USP6NL: variants seen among roughly 807,000 people sequenced by gnomAD.
USP6NL encodes USP6 N-terminal-like protein.
A neutral mutation model predicts 61.9 loss-of-function variants in USP6NL; 26 were observed. That is an observed-to-expected ratio of 0.42 (90% CI 0.31 to 0.58). The LOEUF is 0.58. USP6NL is among the 20% of genes least tolerant of loss of function. The pLI is 0.16. For synonymous variants in USP6NL, 432 were observed against 390.1 expected (o/e 1.11, Z -1.27); for missense variants, 1,114 against 1,034.3 (o/e 1.08, Z -1.06).
intron 3 of USP6NL, among the ~76,000 whole-genome samples, chr10:11,527,087 T>C (rs530916402): frequency 1.3e-5 from 2 of 152,180 alleles, no homozygotes; most frequent in Non-Finnish European, 2.9e-5. Context: ...GCCTAGAATG[T>C]AGAGTCTCGG....
At chr10:11,484,912 T>G in intron 13 of USP6NL, 59 bp downstream of exon 13, 2 of 1,333,632 alleles carry the variant, frequency 1.5e-6, no homozygotes, top group African/African-American at 1.5e-5. Context: ...GAATGAGAAA[T>G]CAAGGTTAAA....
chr10:11,528,124 C>G lies in USP6NL; in HGVS notation c.5-557G>C, dbSNP rs563292710. Among the ~76,000 whole-genome samples, 8 of 144,530 alleles carry G rather than the reference C, an allele frequency of 5.5e-5. No individual in the cohort carries two copies. Among genetic ancestry groups the G allele is most frequent in the Admixed American group, 4.8e-4 (7 of 14,488 alleles). 94.8% of individuals were successfully genotyped at this position (144,530 alleles called of 152,430 possible). Reference sequence around the variant, plus strand: ...TCATACATATGTGTGTGGACACACACACAGACACACACACACACACACACA... The same window carrying G: ...TCATACATATGTGTGTGGACACACAGACAGACACACACACACACACACACA... On this transcript the variant is annotated intron_variant, in intron 2 of 14. Coordinates refer to ENST00000609104, the MANE Select transcript of USP6NL (RefSeq NM_014688.5). The surrounding 1 kb of genome is among the most constrained non-coding windows in gnomAD (Gnocchi z 4.6).
At chr10:11,545,090 C>T (rs1359497836) in intron 2 of USP6NL, among the ~76,000 whole-genome samples, 3 of 152,118 alleles carry the variant, frequency 2.0e-5, no homozygotes, top group South Asian at 2.1e-4. Flanking sequence ...TTGTTATGTA[C>T]ACATACCACC....
intron 6 of USP6NL, among the ~76,000 whole-genome samples, chr10:11,508,134 T>C (rs1301559821): frequency 6.6e-6 from 1 of 152,164 alleles, no homozygotes; most frequent in Non-Finnish European, 1.5e-5. Flanking sequence ...TTAACTCAGT[T>C]GTGTTTTGCT....
intron 2 of USP6NL, among the ~76,000 whole-genome samples, chr10:11,570,883 C>T (rs1250011546): frequency 6.6e-6 from 1 of 152,148 alleles, no homozygotes; most frequent in Non-Finnish European, 1.5e-5. Context: ...TTATCACTCG[C>T]CCCATCCTTT....
Position 11,487,427 on chromosome 10 carries a change from T to A in USP6NL, c.665-1516A>T, listed in dbSNP as rs1049096115. 6.6e-6 allele frequency among the ~76,000 whole-genome samples: 1 copy of A among 152,222 alleles called. No homozygotes were observed. Among genetic ancestry groups the A allele is most frequent in the African/African-American group, 2.4e-5 (1 of 41,462 alleles). On this transcript the variant is annotated intron_variant, in intron 10 of 14. Coordinates refer to ENST00000609104, the MANE Select transcript of USP6NL (RefSeq NM_014688.5). This position sits in a 1 kb window ranked among gnomAD's most constrained non-coding sequence, Gnocchi z 4.2. Reference sequence around the variant, plus strand: ...AGTAGAATTAATATTGTTTTATAGATTAGTCTAGTGACAATAATTGCTGAA... The same window carrying A: ...AGTAGAATTAATATTGTTTTATAGAATAGTCTAGTGACAATAATTGCTGAA...
At chr10:11,516,674 C>A (rs1834970860) in intron 5 of USP6NL, among the ~76,000 whole-genome samples, 1 of 152,130 alleles carries the variant, frequency 6.6e-6, no homozygotes, top group Non-Finnish European at 1.5e-5. Flanking sequence ...TGAATCCTGT[C>A]CCCACCCCCA....
At chr10:11,588,386 GTTGT>G (rs1191153750) in intron 2 of USP6NL, among the ~76,000 whole-genome samples, 5 of 152,294 alleles carry the variant, frequency 3.3e-5, no homozygotes, top group Admixed American at 2.0e-4. Context: ...AAAGAATGGC[GTTGT>G]TTTTCGGAAC....
In USP6NL at chr10:11,589,548, C is replaced by G. The variant is rs1838091056; in HGVS notation, c.4+8083G>C. Among the ~76,000 whole-genome samples, 1 of 152,094 alleles carries G rather than the reference C, an allele frequency of 6.6e-6. No individual in the cohort carries two copies. The highest frequency in any genetic ancestry group is 1.5e-5 in the Non-Finnish European group (1 of 68,024). ...TACATGTTAGCTTTTACAAATTTCT[C>G]TCAAGTTATAATCAAGCAAATATAT... On this transcript the variant is annotated intron_variant, in intron 2 of 14. Coordinates refer to ENST00000609104, the MANE Select transcript of USP6NL (RefSeq NM_014688.5). The surrounding 1 kb of genome is among the most constrained non-coding windows in gnomAD (Gnocchi z 4.7).
intron 13 of USP6NL, among the ~76,000 whole-genome samples, chr10:11,484,367 T>C (rs1288082068): frequency 1.3e-5 from 2 of 151,436 alleles, no homozygotes; most frequent in Admixed American, 6.6e-5. Context: ...CCCTTAAATA[T>C]ATTGCAACTG....
chr10:11,486,312 A>G (rs1363074386), intron 10 of USP6NL, among the ~76,000 whole-genome samples: 2 of 152,080 alleles, frequency 1.3e-5, no homozygotes, highest in Admixed American at 1.3e-4. Flanking sequence ...ATAACAATTT[A>G]TTACTTTTTT....
chr10:11,591,019 T>C lies in USP6NL; in HGVS notation c.4+6612A>G, dbSNP rs564085138. ...TGACTTAACAGTAAATTTTAAGAGT[T>C]AGAAGGCGTCCAGATGATCTATCTA... On this transcript the variant is annotated intron_variant, in intron 2 of 14. Transcript: ENST00000609104. The surrounding 1 kb of genome is among the most constrained non-coding windows in gnomAD (Gnocchi z 4.7). 5.7e-4 allele frequency among the ~76,000 whole-genome samples: 87 copies of C among 152,308 alleles called. No individual in the cohort carries two copies. Among genetic ancestry groups the C allele is most frequent in the Non-Finnish European group, 6.3e-4 (43 of 68,028 alleles).
chr10:11,515,487 G>A (rs1170226987), intron 5 of USP6NL, among the ~76,000 whole-genome samples: 2 of 152,198 alleles, frequency 1.3e-5, no homozygotes, highest in African/African-American at 4.8e-5. Flanking sequence ...GCCCTTCACA[G>A]GTGATAACCT....
In USP6NL at chr10:11,574,421, C is replaced by A. The variant is rs749911085; in HGVS notation, c.4+23210G>T. Among the ~76,000 whole-genome samples the A allele has an allele frequency of 6.6e-6, 1 of 152,164 alleles. No homozygotes were observed. Among genetic ancestry groups the A allele is most frequent in the Non-Finnish European group, 1.5e-5 (1 of 68,040 alleles). On this transcript the variant is annotated intron_variant, in intron 2 of 14. Transcript: ENST00000609104. This position sits in a 1 kb window ranked among gnomAD's most constrained non-coding sequence, Gnocchi z 4.3. ...TGGTCTCAACATCCAGCGGCATGGA[C>A]CAGATAATTTCAAAACAAGTATAAC...
At chr10:11,480,598 G>T (rs974409237) in intron 14 of USP6NL, among the ~76,000 whole-genome samples, 1 of 152,216 alleles carries the variant, frequency 6.6e-6, no homozygotes, top group Non-Finnish European at 1.5e-5. Flanking sequence ...CTTCCTAGGA[G>T]CCTGGATGAC....
intron 2 of USP6NL, among the ~76,000 whole-genome samples, chr10:11,555,434 ATATATAT>A (rs1836662358): frequency 1.7e-5 from 1 of 58,886 alleles, no homozygotes; most frequent in African/African-American, 8.0e-5. Context: ...AAAAAAAAAA[ATATATAT>A]ATATATATAT....
intron 2 of USP6NL, among the ~76,000 whole-genome samples, chr10:11,541,819 G>A (rs1433319076): frequency 1.3e-5 from 2 of 152,064 alleles, no homozygotes; most frequent in Non-Finnish European, 2.9e-5. Context: ...AAAAGCCACA[G>A]ACAGAAAAGA....
At chr10:11,546,320 G>A (rs76004176) in intron 2 of USP6NL, among the ~76,000 whole-genome samples, 1,654 of 152,288 alleles carry the variant, frequency 0.011, 26 homozygotes, top group Non-Finnish European at 0.015. Flanking sequence ...TAGAAAAGGT[G>A]ATTATCTGAA....
chr10:11,562,793 C>A lies in USP6NL; in HGVS notation c.4+34838G>T. 1 of 984,554 alleles carries A rather than the reference C, an allele frequency of 1.0e-6. No individual in the cohort carries two copies. The highest frequency in any genetic ancestry group is 5.2e-4 in the Middle Eastern group (1 of 1,912). 61.0% of individuals were successfully genotyped at this position (984,554 alleles called of 1,614,324 possible). ...GTGAATTGCCTAATTTCTCAGTATT[C>A]TAGTTTTATTAGGCATTAGTAAATA... On this transcript the variant is annotated intron_variant, in intron 2 of 14. Coordinates refer to ENST00000609104, the MANE Select transcript of USP6NL (RefSeq NM_014688.5). This position sits in a 1 kb window ranked among gnomAD's most constrained non-coding sequence, Gnocchi z 4.8.
Sources: allele counts gnomAD v4.1 joint callset (sites outside exome capture counted in the v4.1 genomes callset), GRCh38; gene constraint gnomAD v4.1.1; non-coding constraint Gnocchi (gnomAD v3.1); transcripts MANE v1.5; gene names NCBI Gene and HGNC (gene_info 2026-07-23, HGNC 2026-07-21).